CPXM2: variants seen among roughly 807,000 people sequenced by gnomAD.
The protein encoded by CPXM2 is carboxypeptidase X, M14 family member 2, also known as inactive carboxypeptidase-like protein X2.
CPXM2 carries 66 observed loss-of-function variants against 86.1 expected under a neutral mutation model. The observed-to-expected ratio is 0.77, with a 90% confidence interval of 0.63 to 0.94. The LOEUF (loss-of-function observed/expected upper bound fraction) is 0.94. CPXM2 is among the 40% of genes least tolerant of loss of function. The pLI is 0.00. For synonymous variants in CPXM2, 388 were observed against 400.2 expected (o/e 0.97, Z 0.36); for missense variants, 948 against 1,026.3 (o/e 0.92, Z 1.04).
chr10:123,786,196 G>C (rs1239210506), intron 6 of CPXM2, among the ~76,000 whole-genome samples: 2 of 152,110 alleles, frequency 1.3e-5, no homozygotes, highest in African/African-American at 4.8e-5. Context: ...ACTGAACACT[G>C]CTACATGCCC....
chr10:123,828,615 A>G (rs1479322899), intron 4 of CPXM2, among the ~76,000 whole-genome samples: 1 of 152,248 alleles, frequency 6.6e-6, no homozygotes, highest in Non-Finnish European at 1.5e-5. Flanking sequence ...CTGTGAGTCA[A>G]TTAAACCTCT....
rs182280340 is a variant in CPXM2 at position 123,856,800 on chromosome 10, C to A, written c.513+5814G>T. On this transcript the variant is annotated intron_variant, in intron 3 of 13. Transcript: ENST00000241305. Reference sequence around the variant, plus strand: ...AGAGACGGGATTTTGCCACATTGGCCAGGCTGGTCTTGAATTCCTGACCTC... The same window carrying A: ...AGAGACGGGATTTTGCCACATTGGCAAGGCTGGTCTTGAATTCCTGACCTC... Among the ~76,000 whole-genome samples, 6 of 152,260 alleles carry A rather than the reference C, an allele frequency of 3.9e-5. No homozygotes were observed. In the East Asian group the frequency reaches 1.2e-3, roughly 29 times the overall value.
chr10:123,915,545 G>A (rs918221718), intron 2 of CPXM2, among the ~76,000 whole-genome samples: 2 of 145,702 alleles, frequency 1.4e-5, no homozygotes, highest in Admixed American at 7.0e-5. Context: ...GCAACAGAGC[G>A]AGATTGTCAA....
chr10:123,762,229 G>A (rs1846364675), intron 10 of CPXM2, 60 bp from the exon 11 acceptor site: 1 of 1,607,392 alleles, frequency 6.2e-7, no homozygotes, highest in African/African-American at 1.3e-5. Flanking sequence ...CTCCCCAGCT[G>A]TCAAACAGGG....
chr10:123,849,490 G>A (rs1387905411), intron 3 of CPXM2, among the ~76,000 whole-genome samples: 2 of 145,524 alleles, frequency 1.4e-5, no homozygotes, highest in African/African-American at 5.2e-5. Context: ...GCCCAGGCTG[G>A]AGTGCAATGG....
chr10:123,927,286 C>A (rs1302304314), intron 2 of CPXM2, among the ~76,000 whole-genome samples: 2 of 152,230 alleles, frequency 1.3e-5, no homozygotes, highest in African/African-American at 4.8e-5. Flanking sequence ...TGATGCTAGA[C>A]AAGCAAAATG....
chr10:123,894,791 G>A (rs1479558851), upstream of CPXM2, among the ~76,000 whole-genome samples: 1 of 152,046 alleles, frequency 6.6e-6, no homozygotes, highest in Non-Finnish European at 1.5e-5. Context: ...TCTTTAATCT[G>A]CCTCTTCCTC....
intron 10 of CPXM2, among the ~76,000 whole-genome samples, chr10:123,765,394 C>A (rs1296287966): frequency 6.6e-6 from 1 of 152,180 alleles, no homozygotes; most frequent in Non-Finnish European, 1.5e-5. Context: ...AGTCTAAAAG[C>A]AAAGACTGAA....
At chr10:123,874,157 C>T (rs2134218401) in intron 2 of CPXM2, among the ~76,000 whole-genome samples, 1 of 152,080 alleles carries the variant, frequency 6.6e-6, no homozygotes, top group Admixed American at 6.5e-5. Context: ...GCCACCATGC[C>T]CAGCCTATTT....
At position 123,794,784 on chromosome 10, in the gene CPXM2, T is replaced by C. The variant is rs567167818; in HGVS notation, c.889+3192A>G. On this transcript the variant is annotated intron_variant, in intron 6 of 13. Coordinates refer to ENST00000241305, the MANE Select transcript of CPXM2 (RefSeq NM_198148.3). ...GTGTGTGTGTGCGCATGTGTGTGTG[T>C]ATTTGAGACAGGGTCTCACTCTGTC... Among the ~76,000 whole-genome samples the C allele has an allele frequency of 5.3e-5, 8 of 152,066 alleles. No individual in the cohort carries two copies. In the East Asian group the frequency reaches 1.5e-3, roughly 29 times the overall value.
Position 123,746,506 on chromosome 10 carries a change from T to C in CPXM2, c.*258A>G. ...TCTCCTTCTCTCTCTGATTCCCAGG[T>C]TGGCTTGCTGAGTTCTCTCACTCCC... On this transcript the variant is annotated 3_prime_UTR_variant, in exon 14 of 14. Transcript: ENST00000241305. The C allele has an allele frequency of 7.9e-6, 4 of 503,644 alleles. No homozygotes were observed. Among genetic ancestry groups the C allele is most frequent in the Non-Finnish European group, 1.4e-5 (4 of 284,934 alleles). The allele number at this position is 503,644 out of a possible 1,614,324, so 31.2% of individuals were successfully genotyped here. A position where few individuals can be genotyped will look rare whatever the true frequency, so the allele number is the denominator to read the frequency against.
intron 4 of CPXM2, among the ~76,000 whole-genome samples, chr10:123,804,891 A>T (rs1351728174): frequency 1.3e-5 from 2 of 152,046 alleles, no homozygotes; most frequent in African/African-American, 2.4e-5. Flanking sequence ...TTTTTCACAT[A>T]ACAACAGAGT....
At chr10:123,850,862 C>A (rs1290241508) in intron 3 of CPXM2, among the ~76,000 whole-genome samples, 1 of 152,206 alleles carries the variant, frequency 6.6e-6, no homozygotes, top group Non-Finnish European at 1.5e-5. Context: ...ACTATCCACA[C>A]TTTCATGCAT....
chr10:123,755,151 C>T (rs1369875860), intron 12 of CPXM2, among the ~76,000 whole-genome samples: 1 of 152,208 alleles, frequency 6.6e-6, no homozygotes, highest in African/African-American at 2.4e-5. Flanking sequence ...TGGCACCTTC[C>T]TGGGCAGAAA....
chr10:123,860,655 C>A (rs532131857), intron 3 of CPXM2, among the ~76,000 whole-genome samples: 8 of 152,212 alleles, frequency 5.3e-5, no homozygotes, highest in Admixed American at 5.2e-4. Flanking sequence ...ATGCACAAAA[C>A]AGGCTGCACA....
chr10:123,880,543 TTAC>T (rs1196624751), intron 1 of CPXM2, among the ~76,000 whole-genome samples: 5 of 152,026 alleles, frequency 3.3e-5, no homozygotes, highest in African/African-American at 1.2e-4. Context: ...CTGCACGTTG[TTAC>T]TATTATAAGA....
intron 6 of CPXM2, among the ~76,000 whole-genome samples, chr10:123,794,568 CT>C (rs1008036684): frequency 5.6e-4 from 85 of 152,046 alleles, no homozygotes; most frequent in African/African-American, 2.1e-3. Context: ...TCTTAACTCG[CT>C]TTTTTTTATT....
intron 2 of CPXM2, among the ~76,000 whole-genome samples, chr10:123,867,792 C>T (rs537487422): frequency 3.8e-4 from 58 of 152,324 alleles, no homozygotes; most frequent in African/African-American, 1.3e-3. Flanking sequence ...CTTGGCCTCC[C>T]AAAGTGCTGG....
At chr10:123,887,586 G>T (rs1197765619) in intron 1 of CPXM2, among the ~76,000 whole-genome samples, 1 of 152,058 alleles carries the variant, frequency 6.6e-6, no homozygotes, top group Non-Finnish European at 1.5e-5. Context: ...GACATTTTTG[G>T]TTGTGACAAC....
Sources: allele counts gnomAD v4.1 joint callset (sites outside exome capture counted in the v4.1 genomes callset), GRCh38; gene constraint gnomAD v4.1.1; transcripts MANE v1.5; gene names NCBI Gene and HGNC (gene_info 2026-07-23, HGNC 2026-07-21).